The following C3orf52 variants were observed in gnomAD, a reference collection of about 807,000 sequenced individuals.
The protein encoded by C3orf52 is chromosome 3 open reading frame 52, also known as TPA-induced transmembrane protein.
In C3orf52, 22 loss-of-function variants were observed where a neutral mutation model predicts 24.8. That is an observed-to-expected ratio of 0.89 (90% CI 0.63 to 1.27). The LOEUF is 1.27. C3orf52 is among the 50% of genes most tolerant of loss of function. The pLI is 0.00. For synonymous variants in C3orf52, 93 were observed against 100.2 expected, an observed-to-expected ratio of 0.93 and a Z score of 0.43; for missense variants, 265 against 260.7, an observed-to-expected ratio of 1.02 and a Z score of -0.11.
intron 4 of C3orf52, chr3:112,123,861 A>G: frequency 7.1e-7 from 1 of 1,404,898 alleles, no homozygotes; most frequent in Non-Finnish European, 9.6e-7. Context: ...ACCCTTGGTC[A>G]AGTCTGTCTT....
At chr3:112,133,308 A>T, downstream of C3orf52, 1 of 620,158 alleles carries the variant, frequency 1.6e-6, no homozygotes, top group East Asian at 2.8e-5. Context: ...TGTTAGAGGC[A>T]CGCATGTGCA....
chr3:112,099,996 GTT>G (rs2073957536), intron 2 of C3orf52, among the ~76,000 whole-genome samples: 2 of 152,222 alleles, frequency 1.3e-5, no homozygotes, highest in Non-Finnish European at 2.9e-5. Flanking sequence ...GCCAACAGGA[GTT>G]CAGACTGAGT....
At chr3:112,127,912 G>T in intron 4 of C3orf52, 1 of 888,656 alleles carries the variant, frequency 1.1e-6, no homozygotes, top group South Asian at 1.4e-5. Flanking sequence ...CTGGGCTACT[G>T]ACAGGCTTCC....
At chr3:112,115,015 C>T in intron 5 of C3orf52, among the ~76,000 whole-genome samples, 1 of 152,214 alleles carries the variant, frequency 6.6e-6, no homozygotes, top group Non-Finnish European at 1.5e-5. Context: ...GGGCTTGGTG[C>T]TCCAGCAGGT....
Position 112,125,322 on chromosome 3 carries a change from G to C in C3orf52, c.*47-2911G>C, listed in dbSNP as rs1576162399. The C allele has an allele frequency of 4.6e-6, 5 of 1,084,604 alleles. No homozygotes were observed. The East Asian group carries it at 1.2e-4, about 26-fold the overall frequency. 67.2% of individuals were successfully genotyped at this position (1,084,604 alleles called of 1,614,324 possible). A position where few individuals can be genotyped will look rare whatever the true frequency, so the allele number is the denominator to read the frequency against. ...AGATTTGAAGGGAAGAGCAGGGGAG[G>C]CTAGAATATAAATAACTAAAAAGCC... is the stretch of plus-strand genomic sequence containing the variant. On this transcript the variant is annotated intron_variant, in intron 4 of 4. Transcript: ENST00000480282.
intron 3 of C3orf52, among the ~76,000 whole-genome samples, chr3:112,107,553 T>C (rs1396403593): frequency 1.3e-5 from 2 of 152,216 alleles, no homozygotes; most frequent in Admixed American, 1.3e-4. Flanking sequence ...TCCTTCACTG[T>C]ATATATATCA....
rs749235255 is a variant in C3orf52 at position 112,117,206 on chromosome 3, G to A, written c.*560G>A. On this transcript the variant is annotated 3_prime_UTR_variant, in exon 6 of 6. Transcript: ENST00000264848. Reference sequence around the variant, plus strand: ...GTCATCCTCCTCCCCCCCACCATTCGATTTGATCTACCTCTAAGCCAGGCT... The same window carrying A: ...GTCATCCTCCTCCCCCCCACCATTCAATTTGATCTACCTCTAAGCCAGGCT... The A allele has an allele frequency of 8.6e-5, 46 of 534,168 alleles. No individual in the cohort carries two copies. The highest frequency in any genetic ancestry group is 1.4e-4 in the Non-Finnish European group (42 of 301,960). 33.1% of individuals were successfully genotyped at this position (534,168 alleles called of 1,614,324 possible).
chr3:112,094,972 C>T (rs565573488), intron 2 of C3orf52, among the ~76,000 whole-genome samples: 1 of 152,272 alleles, frequency 6.6e-6, no homozygotes, highest in South Asian at 2.1e-4. Flanking sequence ...AGGAATTTTC[C>T]TCAGAAACTA....
At chr3:112,130,710 C>T (rs1050790174), downstream of C3orf52, 2 of 597,288 alleles carry the variant, frequency 3.3e-6, no homozygotes, top group African/African-American at 1.8e-5. Context: ...CTCTCCATTG[C>T]CACAGCAACA....
intron 4 of C3orf52, among the ~76,000 whole-genome samples, chr3:112,110,483 T>G (rs999170001): frequency 6.6e-6 from 1 of 152,070 alleles, no homozygotes; most frequent in African/African-American, 2.4e-5. Context: ...TTGAGTGTAA[T>G]TACTTCTGTT....
chr3:112,135,318 CT>C, downstream of C3orf52: 1 of 152,184 alleles, frequency 6.6e-6, no homozygotes, highest in East Asian at 1.9e-4. Context: ...CAGGACTGCT[CT>C]TGTGAAGTTC....
chr3:112,128,228 C>T (rs773982985), intron 4 of C3orf52: 22 of 710,546 alleles, frequency 3.1e-5, no homozygotes, highest in Non-Finnish European at 5.2e-5. Flanking sequence ...CCTTTGTCTT[C>T]CTAGGATGAA....
At chr3:112,128,325 G>A in exon 5 of C3orf52, 1 of 624,346 alleles carries the variant, frequency 1.6e-6, no homozygotes, top group Non-Finnish European at 2.9e-6. Flanking sequence ...CTCAATTCTG[G>A]TAATTTCCTT....
chr3:112,132,928 T>C (rs1490389876), downstream of C3orf52: 1 of 635,990 alleles, frequency 1.6e-6, no homozygotes, highest in Non-Finnish European at 2.6e-6. Context: ...AAATTTAATG[T>C]GGTATCTGGC....
intron 1 of C3orf52, among the ~76,000 whole-genome samples, chr3:112,089,986 C>T (rs1251801387): frequency 3.9e-5 from 6 of 152,132 alleles, no homozygotes; most frequent in African/African-American, 4.8e-5. Flanking sequence ...CAAATATCTC[C>T]GGAAGGCACC....
chr3:112,090,447 G>A (rs920019842), intron 1 of C3orf52, among the ~76,000 whole-genome samples: 5 of 151,832 alleles, frequency 3.3e-5, no homozygotes, highest in African/African-American at 7.3e-5. Context: ...GGTGTAAACC[G>A]TCATGTCTGG....
intron 1 of C3orf52, 122 bp from the exon 2 acceptor site, chr3:112,093,236 TAG>T: frequency 5.5e-6 from 5 of 903,676 alleles, no homozygotes; most frequent in Non-Finnish European, 8.1e-6. Context: ...CTTGATTCAG[TAG>T]AGTGTTGCCC....
chr3:112,135,007 TTTG>T (rs1246636707), downstream of C3orf52: 8 of 154,914 alleles, frequency 5.2e-5, no homozygotes, highest in Non-Finnish European at 7.3e-5. Context: ...GAGGAAATTT[TTTG>T]TTGTTGTTCT....
At chr3:112,095,523 C>G (rs1472959344) in intron 2 of C3orf52, among the ~76,000 whole-genome samples, 1 of 152,146 alleles carries the variant, frequency 6.6e-6, no homozygotes, top group Non-Finnish European at 1.5e-5. Flanking sequence ...AAAGAGCAGT[C>G]TGCAAGAGGA....
Sources: allele counts gnomAD v4.1 joint callset (sites outside exome capture counted in the v4.1 genomes callset), GRCh38; gene constraint gnomAD v4.1.1; transcripts MANE v1.5; gene names NCBI Gene and HGNC (gene_info 2026-07-23, HGNC 2026-07-21).